The following BABAM2 variants were observed in gnomAD, a reference collection of about 807,000 sequenced individuals.
BABAM2 encodes the protein BRISC and BRCA1-A complex member 2.
In BABAM2, 31 loss-of-function variants were observed where a neutral mutation model predicts 54.7. That is an observed-to-expected ratio of 0.57 (90% confidence interval 0.43 to 0.77). The LOEUF (loss-of-function observed/expected upper bound fraction) is 0.77, where lower values mean the gene tolerates loss of function less well. Ranked by LOEUF, BABAM2 falls within the 30% of genes least tolerant of loss-of-function variation. The pLI is 0.00. For synonymous variants in BABAM2, 167 were observed against 162.9 expected (o/e 1.03, Z -0.19); for missense variants, 364 against 455.8 (o/e 0.80, Z 1.83).
In BABAM2 at chr2:28,049,794, A is replaced by T. The variant is rs1441170280; in HGVS notation, c.570+3995A>T. Among the ~76,000 whole-genome samples, 5 of 152,330 alleles carry T rather than the reference A, an allele frequency of 3.3e-5. No individual in the cohort carries two copies. In the East Asian group the frequency reaches 9.6e-4, roughly 29 times the overall value. On this transcript the variant is annotated intron_variant, in intron 6 of 11. Coordinates refer to ENST00000379624, the MANE Select transcript of BABAM2 (RefSeq NM_199191.3). ...ACTTGTTCAGGAGCCTAGGATAGGCAGAGAGTTGTGAATATGTAACTATGC... is the reference window on the plus strand; with the variant it reads ...ACTTGTTCAGGAGCCTAGGATAGGCTGAGAGTTGTGAATATGTAACTATGC...
chr2:28,130,206 C>G (rs1669904487), intron 7 of BABAM2, among the ~76,000 whole-genome samples: 1 of 152,168 alleles, frequency 6.6e-6, no homozygotes, highest in Non-Finnish European at 1.5e-5. Flanking sequence ...TGATTTCTGT[C>G]TGTGAGTAGA....
chr2:28,105,784 C>A (rs535930636), intron 6 of BABAM2, among the ~76,000 whole-genome samples: 28 of 152,228 alleles, frequency 1.8e-4, no homozygotes, highest in Admixed American at 1.7e-3. Context: ...TCCAGGTAGA[C>A]TTCTTTGACC....
rs530701562 is a variant in BABAM2, at chr2:28,025,356, C to A, written c.431C>A (p.Thr144Lys). ...ESSRLMFEYQ[T>K]LLEEPQYGEN... ...TCCCGCCTCATGTTTGAATACCAGA[C>A]ATTACTGGAGGAGCCACAGTATGGA... Residue 144 changes from threonine (T) to lysine (K), a missense_variant, in exon 5 of 12, where the codon ACA becomes AAA. Physicochemically the swap from Thr to Lys is moderately conservative, Grantham distance 78. Transcript: ENST00000379624. 3.7e-6 allele frequency: 6 copies of A among 1,611,076 alleles called. No homozygotes were observed. The Admixed American group carries it at 1.0e-4, about 27-fold the overall frequency.
intron 7 of BABAM2, among the ~76,000 whole-genome samples, chr2:28,234,801 G>A (rs866243222): frequency 2.0e-5 from 3 of 152,212 alleles, no homozygotes; most frequent in African/African-American, 7.2e-5. Context: ...CTGGTTAGAT[G>A]TGTGCCTTCT....
Position 28,129,261 on chromosome 2 carries a change from C to G in BABAM2, c.571-10C>G. 1 of 1,607,492 alleles carries G rather than the reference C, an allele frequency of 6.2e-7. No homozygotes were observed. The highest frequency in any genetic ancestry group is 1.1e-5 in the South Asian group (1 of 90,918). The stretch of plus-strand genomic sequence containing the variant: ...AGGTGCTGATGTTGTGTTTTCACTT[C>G]TTGTTTAAGGATGTAAATGAAGACC... On this transcript the variant is annotated splice_polypyrimidine_tract_variant and intron_variant, in intron 6 of 11. Transcript: ENST00000379624.
intron 11 of BABAM2, among the ~76,000 whole-genome samples, chr2:28,307,309 A>G (rs1259568862): frequency 6.6e-6 from 1 of 151,530 alleles, no homozygotes; most frequent in Admixed American, 6.6e-5. Flanking sequence ...ACCTGGCCTT[A>G]ATTGGAGTAT....
chr2:28,103,466 G>A (rs1477684286), intron 6 of BABAM2, among the ~76,000 whole-genome samples: 2 of 152,026 alleles, frequency 1.3e-5, no homozygotes, highest in East Asian at 1.9e-4. Flanking sequence ...ATGCCACCAT[G>A]CTCGGCTAAT....
At chr2:28,311,469 A>G (rs1689085058) in intron 11 of BABAM2, among the ~76,000 whole-genome samples, 2 of 152,204 alleles carry the variant, frequency 1.3e-5, no homozygotes, top group South Asian at 4.1e-4. Flanking sequence ...GATTTTTATG[A>G]TAAACCATAG....
At chr2:28,200,125 C>T (rs147708610) in intron 7 of BABAM2, among the ~76,000 whole-genome samples, 144 of 152,278 alleles carry the variant, frequency 9.5e-4, no homozygotes, top group Admixed American at 1.9e-3. Context: ...AACAACCCTA[C>T]CTATCTTCTA....
rs531578768 is a variant in BABAM2 at position 27,929,851 on chromosome 2, G to C, written c.148G>C (p.Gly50Arg). 8.1e-6 allele frequency: 13 copies of C among 1,613,660 alleles called. No homozygotes were observed. The South Asian group carries it at 1.1e-4, about 14-fold the overall frequency. ...LKSGCTSLTP[G>R]PNCDRFKLHI... is the part of the protein sequence containing the mutation. ...TTAAAGCTGCACATCATTGACTCCTGGGCCCAACTGTGACCGATTTAAACT... is the reference window on the plus strand; with the variant it reads ...TTAAAGCTGCACATCATTGACTCCTCGGCCCAACTGTGACCGATTTAAACT... The change falls in exon 3 of 12, where the codon GGG becomes CGG. Residue 50 changes from glycine (G) to arginine (R), a missense_variant. Gly to Arg is a moderately radical substitution (Grantham distance 125, BLOSUM62 -2). Coordinates refer to ENST00000379624, the MANE Select transcript of BABAM2 (RefSeq NM_199191.3).
At chr2:28,209,176 T>G (rs1479337425) in intron 7 of BABAM2, among the ~76,000 whole-genome samples, 1 of 152,134 alleles carries the variant, frequency 6.6e-6, no homozygotes, top group East Asian at 1.9e-4. Context: ...TACTAAAGGG[T>G]CTAAAGGTGG....
Position 28,252,134 on chromosome 2 carries a change from C to T in BABAM2, c.934+7272C>T, listed in dbSNP as rs142690264. ...CTGGGAGGTGGAGGTTGCAGTGAGC[C>T]GAGAACGTGCCGTTGCACTCCACCC... On this transcript the variant is annotated intron_variant, in intron 10 of 11. Transcript: ENST00000379624. Among the ~76,000 whole-genome samples, 157 of 150,340 alleles carry T rather than the reference C, an allele frequency of 1.0e-3. 1 individual carries two copies. Among genetic ancestry groups the T allele is most frequent in the East Asian group, 9.0e-3 (46 of 5,118 alleles).
chr2:28,286,243 C>T (rs199585093), intron 10 of BABAM2, among the ~76,000 whole-genome samples: 7 of 152,076 alleles, frequency 4.6e-5, no homozygotes, highest in African/African-American at 7.2e-5. Context: ...CGTGAGCCAC[C>T]GCGCCTGGCC....
intron 3 of BABAM2, among the ~76,000 whole-genome samples, chr2:27,980,287 CTG>C (rs1284763520): frequency 6.6e-6 from 1 of 152,046 alleles, no homozygotes; most frequent in African/African-American, 2.4e-5. Flanking sequence ...AATCTGTACT[CTG>C]TGTTCATATC....
At chr2:28,042,460 A>G (rs1357081581) in intron 5 of BABAM2, among the ~76,000 whole-genome samples, 3 of 152,168 alleles carry the variant, frequency 2.0e-5, no homozygotes, top group Non-Finnish European at 4.4e-5. Context: ...GGGACTCTGG[A>G]AACCAAGTAA....
At chr2:27,945,920 T>C (rs1669266127) in intron 3 of BABAM2, among the ~76,000 whole-genome samples, 1 of 152,118 alleles carries the variant, frequency 6.6e-6, no homozygotes, top group Non-Finnish European at 1.5e-5. Flanking sequence ...CTAATAATTT[T>C]TTTGTAGATT....
chr2:28,208,255 T>C (rs1428977424), intron 7 of BABAM2, among the ~76,000 whole-genome samples: 1 of 152,202 alleles, frequency 6.6e-6, no homozygotes, highest in Non-Finnish European at 1.5e-5. Context: ...CAGCTCAAGA[T>C]GTTGTGTCTG....
chr2:28,152,646 A>G (rs886503438), intron 7 of BABAM2, among the ~76,000 whole-genome samples: 13 of 152,104 alleles, frequency 8.5e-5, no homozygotes, highest in African/African-American at 3.1e-4. Context: ...AAATCATGCT[A>G]CTCCACCAAC....
chr2:27,894,149 G>T (rs752110969), intron 1 of BABAM2, among the ~76,000 whole-genome samples: 2 of 152,192 alleles, frequency 1.3e-5, no homozygotes, highest in Non-Finnish European at 2.9e-5. Context: ...TGCTAACTCA[G>T]TGATGTGTGT....
Sources: allele counts gnomAD v4.1 joint callset (sites outside exome capture counted in the v4.1 genomes callset), GRCh38; gene constraint gnomAD v4.1.1; transcripts MANE v1.5; gene names NCBI Gene and HGNC (gene_info 2026-07-23, HGNC 2026-07-21).